The following SMIM41 variants were observed in gnomAD, a reference collection of about 807,000 sequenced individuals.
The protein encoded by SMIM41 is small integral membrane protein 41.
chr12:52,099,894 G>T (rs1336175380), intron 2 of SMIM41, among the ~76,000 whole-genome samples: 1 of 152,134 alleles, frequency 6.6e-6, no homozygotes, highest in Middle Eastern at 3.4e-3. Context: ...TCACAGTGGG[G>T]TGTACACCCT....
chr12:52,100,090 C>T (rs554310065), intron 2 of SMIM41, among the ~76,000 whole-genome samples: 5 of 141,628 alleles, frequency 3.5e-5, no homozygotes, highest in East Asian at 2.3e-4. Context: ...CCTCTCCCCC[C>T]CCGGATATTG....
At chr12:52,102,838 C>A (rs572641156) in intron 2 of SMIM41, among the ~76,000 whole-genome samples, 2 of 152,154 alleles carry the variant, frequency 1.3e-5, no homozygotes, top group Non-Finnish European at 2.9e-5. Context: ...CAGATGTTCC[C>A]GCAGTTGCAC....
At chr12:52,102,791 G>T (rs1940244653) in intron 2 of SMIM41, among the ~76,000 whole-genome samples, 1 of 152,306 alleles carries the variant, frequency 6.6e-6, no homozygotes, top group South Asian at 2.1e-4. Flanking sequence ...AGGGAAAATA[G>T]TATGGCGTGT....
chr12:52,080,574 C>T (rs2701114), intron 1 of SMIM41, among the ~76,000 whole-genome samples: 6,885 of 152,272 alleles, frequency 0.045, 490 homozygotes, highest in African/African-American at 0.16. Context: ...TAGCCCCCAC[C>T]CTCACCTCCA....
chr12:52,087,369 C>T lies in SMIM41; in HGVS notation c.*195+3401C>T, dbSNP rs143975841. 3.0e-3 allele frequency among the ~76,000 whole-genome samples: 462 copies of T among 152,336 alleles called. 2 individuals carry two copies. Among genetic ancestry groups the T allele is most frequent in the African/African-American group, 0.011 (449 of 41,582 alleles). ...TCCTATGTCTCACTTGCCTTTACAG[C>T]CAAACTTCTCCAAAGTTACCCACGC... On this transcript the variant is annotated intron_variant, in intron 2 of 2. Transcript: ENST00000546390.
At chr12:52,099,010 T>C (rs6580853) in intron 2 of SMIM41, among the ~76,000 whole-genome samples, 101,378 of 151,520 alleles carry the variant, frequency 0.67, 34,390 homozygotes, top group African/African-American at 0.78. Context: ...TAATATCATC[T>C]TCTCTCTCTC....
At chr12:52,104,349 A>C (rs1214620631) in intron 2 of SMIM41, 1 of 156,606 alleles carries the variant, frequency 6.4e-6, no homozygotes, top group African/African-American at 2.4e-5. Context: ...CCAGCCCTGC[A>C]GTGTGAGGTT....
At chr12:52,096,030 CTCCATGGATATTGGGAATAATA>C (rs1940087407) in intron 2 of SMIM41, among the ~76,000 whole-genome samples, 1 of 152,052 alleles carries the variant, frequency 6.6e-6, no homozygotes, top group African/African-American at 2.4e-5. Flanking sequence ...AGCCTCTCCT[CTCCATGGATATTGGGAATAATA>C]TCCCGTGGTG....
chr12:52,095,234 G>A (rs1192656101), intron 2 of SMIM41, among the ~76,000 whole-genome samples: 6 of 151,490 alleles, frequency 4.0e-5, no homozygotes, highest in South Asian at 2.1e-4. Context: ...AATCCACATC[G>A]CAGGGGGTCG....
intron 1 of SMIM41, among the ~76,000 whole-genome samples, chr12:52,083,031 C>A (rs552941404): frequency 6.6e-6 from 1 of 152,306 alleles, no homozygotes; most frequent in East Asian, 1.9e-4. Context: ...CTCTGAACTG[C>A]TCCACTGGAC....
chr12:52,098,288 GGC>G lies in SMIM41; in HGVS notation c.*196-9089_*196-9088del, dbSNP rs1468011196. ...GGATATTAAAAACCATGTCACAAGGGGCGTGTACACACACTTCGATATTGGTA... is the reference window on the plus strand; with the variant it reads ...GGATATTAAAAACCATGTCACAAGGGGTGTACACACACTTCGATATTGGTA... On this transcript the variant is annotated intron_variant, in intron 2 of 2. Coordinates refer to ENST00000546390, the MANE Select transcript of SMIM41 (RefSeq NM_001369216.1). Among the ~76,000 whole-genome samples the G allele has an allele frequency of 2.0e-4, 30 of 151,968 alleles. No individual in the cohort carries two copies. In the South Asian group the frequency reaches 4.4e-3, roughly 22 times the overall value.
At chr12:52,094,874 A>G (rs1940062517) in intron 2 of SMIM41, 1 of 152,128 alleles carries the variant, frequency 6.6e-6, no homozygotes, top group Non-Finnish European at 1.5e-5. Flanking sequence ...CCAATGGTCA[A>G]AGCAGGTCAC....
chr12:52,103,976 T>C (rs1837289374), intron 2 of SMIM41, among the ~76,000 whole-genome samples: 1 of 152,180 alleles, frequency 6.6e-6, no homozygotes. Context: ...ATGTACTTAA[T>C]GTCATTAAAC....
At position 52,099,931 on chromosome 12, in the gene SMIM41, C is replaced by T. The variant is rs550559460; in HGVS notation, c.*196-7448C>T. Reference sequence around the variant, plus strand: ...GTGATATTGGGAGTAATATCATCCTCTCCACCCAGGAAATTACTAACAAGG... The same window carrying T: ...GTGATATTGGGAGTAATATCATCCTTTCCACCCAGGAAATTACTAACAAGG... On this transcript the variant is annotated intron_variant, in intron 2 of 2. Coordinates refer to ENST00000546390, the MANE Select transcript of SMIM41 (RefSeq NM_001369216.1). Among the ~76,000 whole-genome samples the T allele has an allele frequency of 2.6e-5, 4 of 152,070 alleles. No individual in the cohort carries two copies. The South Asian group carries it at 8.3e-4, about 32-fold the overall frequency.
chr12:52,086,489 A>G (rs1245189459), intron 2 of SMIM41, among the ~76,000 whole-genome samples: 1 of 152,218 alleles, frequency 6.6e-6, no homozygotes, highest in Non-Finnish European at 1.5e-5. Flanking sequence ...ATAAAAAAAT[A>G]AAACAAACAC....
intron 2 of SMIM41, among the ~76,000 whole-genome samples, chr12:52,095,869 A>G (rs1592326949): frequency 6.6e-6 from 1 of 152,138 alleles, no homozygotes; most frequent in South Asian, 2.1e-4. Context: ...GGGTAGTATC[A>G]TCTTCTCTTC....
At chr12:52,099,180 G>T (rs571339103) in intron 2 of SMIM41, among the ~76,000 whole-genome samples, 1 of 150,752 alleles carries the variant, frequency 6.6e-6, no homozygotes, top group African/African-American at 2.4e-5. Context: ...ATATTAGGAA[G>T]AGTTTCACAG....
At chr12:52,087,392 C>G (rs530438742) in intron 2 of SMIM41, among the ~76,000 whole-genome samples, 1 of 152,328 alleles carries the variant, frequency 6.6e-6, no homozygotes, top group South Asian at 2.1e-4. Flanking sequence ...AAGTTACCCA[C>G]GCTTGCCGTC....
intron 2 of SMIM41, among the ~76,000 whole-genome samples, chr12:52,089,771 G>A (rs983141579): frequency 5.9e-5 from 9 of 152,308 alleles, no homozygotes; most frequent in South Asian, 4.1e-4. Flanking sequence ...TTCTTCCCGC[G>A]TCTCTGTCTC....
Sources: allele counts gnomAD v4.1 joint callset (sites outside exome capture counted in the v4.1 genomes callset), GRCh38; gene constraint gnomAD v4.1.1; transcripts MANE v1.5; gene names NCBI Gene and HGNC (gene_info 2026-07-23, HGNC 2026-07-21).